Variants in GRIK2 observed in about 807,000 individuals in gnomAD.
GRIK2 encodes glutamate ionotropic receptor kainate type subunit 2.
A neutral mutation model predicts 100.3 loss-of-function variants in GRIK2; 32 were observed. The ratio of observed to expected loss-of-function variants is 0.32; its 90% CI spans 0.24 to 0.43. GRIK2 has a LOEUF of 0.43. GRIK2 is among the 20% of genes least tolerant of loss of function. The probability of loss-of-function intolerance (pLI) is 1.00; values close to 1 mark genes in which losing one functional copy is unlikely to be tolerated. For missense variants in GRIK2, 843 were observed against 1,114.9 expected, an observed-to-expected ratio of 0.76 and a Z score of 3.47; for synonymous variants, 417 against 389.4, an observed-to-expected ratio of 1.07 and a Z score of -0.83.
intron 14 of GRIK2, among the ~76,000 whole-genome samples, chr6:102,034,660 A>G (rs1050758292): frequency 6.6e-6 from 1 of 151,378 alleles, no homozygotes; most frequent in African/African-American, 2.4e-5. Flanking sequence ...AACACTATTC[A>G]ATTGTATTGG....
intron 11 of GRIK2, among the ~76,000 whole-genome samples, chr6:101,865,738 A>C (rs1466461618): frequency 1.3e-5 from 2 of 151,946 alleles, no homozygotes; most frequent in South Asian, 2.1e-4. Context: ...AATACAAAAA[A>C]GTTAGCTGGG....
rs534250505 is a variant in GRIK2, at chr6:102,022,439, G to A, written c.2086-12902G>A. Reference sequence around the variant, plus strand: ...TTCCTAGTTACTTTTGCATACTATTGTACCTTACATTTTGGTAATCCAAAT... The same window carrying A: ...TTCCTAGTTACTTTTGCATACTATTATACCTTACATTTTGGTAATCCAAAT... On this transcript the variant is annotated intron_variant, in intron 14 of 16. Coordinates refer to ENST00000369134, the MANE Select transcript of GRIK2 (RefSeq NM_021956.5). 2.6e-5 allele frequency among the ~76,000 whole-genome samples: 4 copies of A among 151,698 alleles called. No homozygotes were observed. In the South Asian group the frequency reaches 8.3e-4, roughly 31 times the overall value.
chr6:101,549,910 T>C (rs1776425648), intron 2 of GRIK2, among the ~76,000 whole-genome samples: 1 of 152,178 alleles, frequency 6.6e-6, no homozygotes, highest in African/African-American at 2.4e-5. Flanking sequence ...AAATAACTTT[T>C]CTGAAGCTAC....
chr6:101,413,991 A>G (rs975097905), intron 2 of GRIK2, among the ~76,000 whole-genome samples: 3 of 152,230 alleles, frequency 2.0e-5, no homozygotes, highest in African/African-American at 7.2e-5. Flanking sequence ...CCCATGTGCC[A>G]GACACTTGAC....
chr6:101,761,770 T>C (rs1381873585), intron 7 of GRIK2, among the ~76,000 whole-genome samples: 1 of 89,588 alleles, frequency 1.1e-5, no homozygotes, highest in Non-Finnish European at 1.9e-5. Context: ...TGCCCCCATT[T>C]CCCTCCCTCC....
intron 7 of GRIK2, among the ~76,000 whole-genome samples, chr6:101,721,381 T>G (rs1180320658): frequency 6.6e-6 from 1 of 151,790 alleles, no homozygotes; most frequent in East Asian, 1.9e-4. Flanking sequence ...ATAGAGAGAC[T>G]CTGTTCTCTA....
At chr6:101,593,471 T>G (rs377595191) in intron 2 of GRIK2, among the ~76,000 whole-genome samples, 57 of 152,054 alleles carry the variant, frequency 3.7e-4, no homozygotes, top group Non-Finnish European at 7.5e-4. Context: ...TACCATGAGC[T>G]AGGCAGGACA....
intron 14 of GRIK2, among the ~76,000 whole-genome samples, chr6:101,999,016 G>A (rs765641248): frequency 1.3e-5 from 2 of 151,626 alleles, no homozygotes; most frequent in Non-Finnish European, 2.9e-5. Context: ...GTTTCACCAT[G>A]TTTGCCAGGC....
rs148818009 is a variant in GRIK2 at position 101,750,611 on chromosome 6, T to C, written c.952-49037T>C. 3.9e-5 allele frequency among the ~76,000 whole-genome samples: 6 copies of C among 152,310 alleles called. No homozygotes were observed. The East Asian group carries it at 1.2e-3, about 29-fold the overall frequency. On this transcript the variant is annotated intron_variant, in intron 7 of 16. Transcript: ENST00000369134. ...GCACAAGCTATAGTAACAAGACTTA[T>C]CAATATCTCAATGCTATAGCAAGAA... is the stretch of plus-strand genomic sequence containing the variant.
intron 2 of GRIK2, among the ~76,000 whole-genome samples, chr6:101,567,477 C>T (rs1034460343): frequency 6.6e-6 from 1 of 151,856 alleles, no homozygotes; most frequent in Non-Finnish European, 1.5e-5. Context: ...CTGATATTAT[C>T]TTTTATTGCT....
At chr6:101,943,681 C>T (rs1402087261) in intron 14 of GRIK2, among the ~76,000 whole-genome samples, 1 of 152,196 alleles carries the variant, frequency 6.6e-6, no homozygotes, top group Non-Finnish European at 1.5e-5. Context: ...TCCATGGGGC[C>T]TGTAGCCCCT....
chr6:101,688,058 A>C (rs1349043928), intron 7 of GRIK2, among the ~76,000 whole-genome samples: 13 of 145,068 alleles, frequency 9.0e-5, no homozygotes, highest in Non-Finnish European at 1.5e-5. Flanking sequence ...ATATTTTTAT[A>C]TAATATATAA....
In GRIK2 at chr6:101,672,569, ATG is replaced by A. The variant is rs546585506; in HGVS notation, c.542-4050_542-4049del. 1.0e-3 allele frequency among the ~76,000 whole-genome samples: 152 copies of A among 147,430 alleles called. 4 individuals are homozygous for A. The East Asian group carries it at 0.031, about 30-fold the overall frequency. On this transcript the variant is annotated intron_variant, in intron 4 of 16. Coordinates refer to ENST00000369134, the MANE Select transcript of GRIK2 (RefSeq NM_021956.5). ...CGATTTGATTTTATTCCTTATTTTT[ATG>A]TGTTTTTTTTTCCAAATTTTATTTT...
At chr6:101,844,032 A>G (rs985178680) in intron 10 of GRIK2, among the ~76,000 whole-genome samples, 2 of 152,152 alleles carry the variant, frequency 1.3e-5, no homozygotes, top group Non-Finnish European at 2.9e-5. Context: ...TAAATAGATT[A>G]TACTGAATGA....
intron 2 of GRIK2, among the ~76,000 whole-genome samples, chr6:101,457,638 C>T (rs1335904734): frequency 6.6e-6 from 1 of 151,990 alleles, no homozygotes; most frequent in Non-Finnish European, 1.5e-5. Context: ...TGAAATTATA[C>T]TTATTTGCTA....
Position 101,605,300 on chromosome 6 carries a change from T to C in GRIK2, c.116-16649T>C, listed in dbSNP as rs114439373. 1.3e-3 allele frequency among the ~76,000 whole-genome samples: 193 copies of C among 152,136 alleles called. 1 individual carries two copies. The highest frequency in any genetic ancestry group is 4.6e-3 in the African/African-American group (190 of 41,552). On this transcript the variant is annotated intron_variant, in intron 2 of 16. Coordinates refer to ENST00000369134, the MANE Select transcript of GRIK2 (RefSeq NM_021956.5). ...AATGGATCAGTACTGATACTTTCCT[T>C]ACCCAGTGGTGAATCCATGCATGCT...
intron 2 of GRIK2, among the ~76,000 whole-genome samples, chr6:101,488,181 A>AT (rs1772924703): frequency 2.7e-5 from 4 of 146,670 alleles, no homozygotes; most frequent in Non-Finnish European, 1.5e-5. Context: ...TCCTGCCTTT[A>AT]TTTAACCAAA....
At chr6:101,980,326 T>C (rs1793638018) in intron 14 of GRIK2, among the ~76,000 whole-genome samples, 1 of 151,982 alleles carries the variant, frequency 6.6e-6, no homozygotes, top group Non-Finnish European at 1.5e-5. Flanking sequence ...TTTTCTTGAG[T>C]CTGAGAGAAG....
In GRIK2 at chr6:102,011,898, T is replaced by C. The variant is rs369914272; in HGVS notation, c.2086-23443T>C. Among the ~76,000 whole-genome samples, 9 of 152,258 alleles carry C rather than the reference T, an allele frequency of 5.9e-5. 1 individual carries two copies. Among genetic ancestry groups the C allele is most frequent in the African/African-American group, 2.2e-4 (9 of 41,552 alleles). ...CACCACGCCAGGCCCAAGTTATTTC[T>C]TTTATGGATAATGCTTTTGGTGTTA... On this transcript the variant is annotated intron_variant, in intron 14 of 16. Transcript: ENST00000369134.
Sources: gnomAD v4.1 joint callset for allele counts (sites outside exome capture counted in the v4.1 genomes callset) on GRCh38, gnomAD v4.1.1 for gene constraint, MANE v1.5 for transcripts, NCBI Gene and HGNC (gene_info 2026-07-23, HGNC 2026-07-21) for gene names.